Variants in DOCK3 observed in about 807,000 individuals in gnomAD.
DOCK3 encodes dedicator of cytokinesis 3, also known as dedicator of cytokinesis protein 3.
In DOCK3, 60 loss-of-function variants were observed where a neutral mutation model predicts 265.6. That is an observed-to-expected ratio of 0.23 (90% CI 0.18 to 0.28). The LOEUF is 0.28. Among genes scored for constraint, DOCK3 ranks in the 10% least tolerant of loss-of-function variants. DOCK3 has a pLI of 1.00. For synonymous variants in DOCK3, 881 were observed against 938.0 expected (o/e 0.94, Z 1.11); for missense variants, 1,981 against 2,594.3 (o/e 0.76, Z 5.14).
At chr3:51,248,699 G>A (rs1435174643) in intron 22 of DOCK3, among the ~76,000 whole-genome samples, 1 of 151,300 alleles carries the variant, frequency 6.6e-6, no homozygotes, top group African/African-American at 2.4e-5. Context: ...GCCCAGTCTG[G>A]AAAGTGAGGA....
At chr3:50,995,521 T>TATAAAATATGGTCCC (rs2078248539) in intron 5 of DOCK3, among the ~76,000 whole-genome samples, 1 of 152,128 alleles carries the variant, frequency 6.6e-6, no homozygotes, top group African/African-American at 2.4e-5. Context: ...AGAATGCACA[T>TATAAAATATGGTCCC]ATAAAATATG....
intron 27 of DOCK3, among the ~76,000 whole-genome samples, chr3:51,291,447 A>C (rs1490252238): frequency 1.3e-5 from 2 of 152,198 alleles, no homozygotes; most frequent in African/African-American, 2.4e-5. Flanking sequence ...AATATAAAGG[A>C]TCATAAGAGA....
chr3:50,890,137 A>C, intron 4 of DOCK3, 56 bp downstream of exon 4: 2 of 1,338,644 alleles, frequency 1.5e-6, no homozygotes, highest in South Asian at 3.4e-5. Context: ...ACAGAGGAAG[A>C]TTGTTTTTCC....
rs143596708 is a variant in DOCK3, at chr3:51,020,254, C to T, written c.316-44194C>T. 1.5e-3 allele frequency among the ~76,000 whole-genome samples: 115 copies of T among 75,746 alleles called. 5 individuals are homozygous for T. Among genetic ancestry groups the T allele is most frequent in the African/African-American group, 6.5e-3 (105 of 16,102 alleles). The allele number at this position is 75,746 out of a possible 152,430, so 49.7% of individuals were successfully genotyped here. A position where few individuals can be genotyped will look rare whatever the true frequency, so the allele number is the denominator to read the frequency against. On this transcript the variant is annotated intron_variant, in intron 5 of 52. Transcript: ENST00000266037. ...TGAGTTTTTTTTCATGTTTGTTGGC[C>T]GCCTGTGTTTCTCCTTTTGAGAAGT... is the stretch of plus-strand genomic sequence containing the variant.
At position 51,315,026 on chromosome 3, in the gene DOCK3, G is replaced by T; in HGVS notation, c.3300G>T (p.Leu1100=). The change falls in exon 32 of 53, where the codon CTG becomes CTT. Residue 1100 remains leucine, a synonymous_variant. Transcript: ENST00000266037. Reference sequence around the variant, plus strand: ...TTCCGGGAATGATTGGTCCTTTTCTGGGTGTGACACTGGTCCCACAGCCAG... The same window carrying T: ...TTCCGGGAATGATTGGTCCTTTTCTTGGTGTGACACTGGTCCCACAGCCAG... ...HFIPGMIGPF[L]GVTLVPQPEV... The T allele has an allele frequency of 6.2e-7, 1 of 1,611,672 alleles. No individual in the cohort carries two copies. The highest frequency in any genetic ancestry group is 8.5e-7 in the Non-Finnish European group (1 of 1,178,530).
chr3:51,377,821 T>TGAAC (rs1434465412), intron 51 of DOCK3, among the ~76,000 whole-genome samples: 1 of 152,218 alleles, frequency 6.6e-6, no homozygotes, highest in Non-Finnish European at 1.5e-5. Flanking sequence ...CCCTTGTGGG[T>TGAAC]GAACATCTGC....
chr3:50,779,195 A>T (rs2041781419), intron 2 of DOCK3, among the ~76,000 whole-genome samples: 1 of 152,014 alleles, frequency 6.6e-6, no homozygotes, highest in African/African-American at 2.4e-5. Flanking sequence ...CAAATACTAG[A>T]TCTTATTCAT....
chr3:50,727,582 C>T (rs1039525101), intron 1 of DOCK3, among the ~76,000 whole-genome samples: 2 of 152,072 alleles, frequency 1.3e-5, no homozygotes, highest in African/African-American at 2.4e-5. Context: ...CCTATAATCC[C>T]AGATACTCGG....
intron 1 of DOCK3, among the ~76,000 whole-genome samples, chr3:50,699,517 A>G (rs973783238): frequency 6.8e-6 from 1 of 146,692 alleles, no homozygotes; most frequent in Admixed American, 6.9e-5. Flanking sequence ...CAGTGGCACG[A>G]TCTCTGCTTG....
At chr3:51,350,159 CACTT>C (rs1293065258) in intron 39 of DOCK3, 125 bp from the exon 40 acceptor site, 4 of 755,676 alleles carry the variant, frequency 5.3e-6, no homozygotes, top group African/African-American at 3.6e-5. Flanking sequence ...TCTAGAGGCT[CACTT>C]ACTTCTTATC....
intron 5 of DOCK3, among the ~76,000 whole-genome samples, chr3:50,946,095 A>T (rs1221729397): frequency 9.8e-4 from 2 of 2,038 alleles, no homozygotes; most frequent in Admixed American, 0.024. Flanking sequence ...CCCATCTCTT[A>T]AAAAAAAAAA....
intron 4 of DOCK3, among the ~76,000 whole-genome samples, chr3:50,933,772 C>T (rs1366592442): frequency 6.6e-6 from 1 of 152,142 alleles, no homozygotes; most frequent in Non-Finnish European, 1.5e-5. Flanking sequence ...TGAGGACATA[C>T]AGTAAAACCC....
intron 12 of DOCK3, among the ~76,000 whole-genome samples, chr3:51,200,490 C>G (rs1368304998): frequency 7.4e-6 from 1 of 134,466 alleles, no homozygotes; most frequent in African/African-American, 2.9e-5. Context: ...TAAAAAGAAA[C>G]AAACAAAGCC....
chr3:50,798,143 AG>A (rs1374372909), intron 2 of DOCK3, among the ~76,000 whole-genome samples: 1 of 152,194 alleles, frequency 6.6e-6, no homozygotes, highest in African/African-American at 2.4e-5. Context: ...GTTACATGCG[AG>A]GGGGGAAATA....
chr3:50,936,384 T>A (rs376878931), intron 5 of DOCK3, among the ~76,000 whole-genome samples: 111 of 144,176 alleles, frequency 7.7e-4, no homozygotes, highest in East Asian at 3.2e-3. Context: ...AAAAAAAAAT[T>A]TTTTTTTTTT....
chr3:50,961,278 T>C (rs927499045), intron 5 of DOCK3, among the ~76,000 whole-genome samples: 1 of 152,206 alleles, frequency 6.6e-6, no homozygotes, highest in African/African-American at 2.4e-5. Flanking sequence ...AGTTGGCAGA[T>C]TTTTTCTGTC....
chr3:50,802,548 A>G (rs2108682884), intron 2 of DOCK3, among the ~76,000 whole-genome samples: 1 of 152,098 alleles, frequency 6.6e-6, no homozygotes, highest in Admixed American at 6.5e-5. Context: ...AATATTCCTC[A>G]TTGCCATTTT....
chr3:51,366,814 A>C (rs2087221246), intron 49 of DOCK3, among the ~76,000 whole-genome samples: 1 of 152,166 alleles, frequency 6.6e-6, no homozygotes, highest in African/African-American at 2.4e-5. Context: ...TGAGTTTCTT[A>C]ATCCTGAGTT....
In DOCK3 at chr3:51,237,474, T is replaced by A. The variant is rs1014304132; in HGVS notation, c.2002-16T>A. The A allele has an allele frequency of 1.3e-6, 2 of 1,580,978 alleles. No individual in the cohort carries two copies. Among genetic ancestry groups the A allele is most frequent in the African/African-American group, 2.7e-5 (2 of 74,682 alleles). On this transcript the variant is annotated splice_polypyrimidine_tract_variant and intron_variant, in intron 20 of 52. Coordinates refer to ENST00000266037, the MANE Select transcript of DOCK3 (RefSeq NM_004947.5). ...CCTCCAGTGAACCCTGATGGCTTACTCTCCATATCTCCCAGGTGTTCATCA... is the reference window on the plus strand; with the variant it reads ...CCTCCAGTGAACCCTGATGGCTTACACTCCATATCTCCCAGGTGTTCATCA...
Sources: allele counts gnomAD v4.1 joint callset (sites outside exome capture counted in the v4.1 genomes callset), GRCh38; gene constraint gnomAD v4.1.1; transcripts MANE v1.5; gene names NCBI Gene and HGNC (gene_info 2026-07-23, HGNC 2026-07-21).